ZMYND11: variants seen among roughly 807,000 people sequenced by gnomAD.
ZMYND11 encodes the protein zinc finger MYND-type containing 11, also known as zinc finger MYND domain-containing protein 11.
In ZMYND11, 9 loss-of-function variants were observed where a neutral mutation model predicts 84.9. The ratio of observed to expected loss-of-function variants is 0.11; its 90% confidence interval spans 0.06 to 0.18. ZMYND11 has a LOEUF of 0.18. Among genes scored for constraint, ZMYND11 ranks in the 10% least tolerant of loss-of-function variants. ZMYND11 has a pLI of 1.00. For missense variants in ZMYND11, 409 were observed against 761.0 expected (o/e 0.54, Z 5.44); for synonymous variants, 250 against 244.1 (o/e 1.02, Z -0.23).
chr10:247,865 G>A (rs1952488064), intron 12 of ZMYND11, among the ~76,000 whole-genome samples: 2 of 152,164 alleles, frequency 1.3e-5, no homozygotes, highest in Admixed American at 6.5e-5. Flanking sequence ...GAGCTCAGCC[G>A]TTTTAAGTGA....
intron 1 of ZMYND11, among the ~76,000 whole-genome samples, chr10:179,438 G>A (rs1014666177): frequency 6.6e-5 from 10 of 152,228 alleles, no homozygotes; most frequent in Non-Finnish European, 1.5e-4. Flanking sequence ...CATAATTTGT[G>A]ACCTTCTAGT....
At chr10:200,081 G>A (rs1226700335) in intron 2 of ZMYND11, among the ~76,000 whole-genome samples, 2 of 151,232 alleles carry the variant, frequency 1.3e-5, no homozygotes, top group Non-Finnish European at 1.5e-5. Context: ...TCCCTGGCCC[G>A]TAGGAATGAT....
At position 200,287 on chromosome 10, in the gene ZMYND11, G is replaced by A. The variant is rs538988446; in HGVS notation, c.117-9602G>A. ...TATAATTATATATAATATATAATAT[G>A]TATAAAATGTATATTATATATAATA... On this transcript the variant is annotated intron_variant, in intron 2 of 14. Transcript: ENST00000381604. Among the ~76,000 whole-genome samples the A allele has an allele frequency of 2.6e-3, 290 of 112,456 alleles. 1 individual carries two copies. The highest frequency in any genetic ancestry group is 9.1e-3 in the African/African-American group (277 of 30,388). The allele number at this position is 112,456 out of a possible 152,430, so 73.8% of individuals were successfully genotyped here.
At chr10:236,944 A>T in intron 5 of ZMYND11, 29 bp downstream of exon 5, 1 of 1,590,174 alleles carries the variant, frequency 6.3e-7, no homozygotes, top group Non-Finnish European at 8.6e-7. Flanking sequence ...ATCTTTCAAA[A>T]TATCCCAAAA....
chr10:243,430 A>T (rs1951455382), intron 10 of ZMYND11, among the ~76,000 whole-genome samples: 1 of 152,230 alleles, frequency 6.6e-6, no homozygotes, highest in Non-Finnish European at 1.5e-5. Context: ...ATAATCTGAT[A>T]ATTAGAACTT....
intron 3 of ZMYND11, 123 bp downstream of exon 3, chr10:210,171 C>A: frequency 2.8e-6 from 3 of 1,074,438 alleles, no homozygotes; most frequent in Non-Finnish European, 4.0e-6. Context: ...TTTGTATCAA[C>A]ATTAAGGCTC....
At chr10:135,075 G>T (rs1414506067), upstream of ZMYND11, 1 of 149,438 alleles carries the variant, frequency 6.7e-6, no homozygotes, top group African/African-American at 2.4e-5. This position sits in a 1 kb window ranked among gnomAD's most constrained non-coding sequence, Gnocchi z 5.6. Flanking sequence ...CCGAGCGGCC[G>T]CCCCGCGCGC....
chr10:135,539 T>A lies in ZMYND11; in HGVS notation c.-40T>A. On this transcript the variant is annotated 5_prime_UTR_variant, in exon 1 of 15. Transcript: ENST00000381604. This position sits in a 1 kb window ranked among gnomAD's most constrained non-coding sequence, Gnocchi z 5.6. The stretch of plus-strand genomic sequence containing the variant: ...GGGCCGGGCGCGGCGGCGGCGGCGG[T>A]GGAGGAGCCGGAGCATAATGGTGGG... 1.4e-5 allele frequency: 2 copies of A among 141,282 alleles called. No homozygotes were observed. Among genetic ancestry groups the A allele is most frequent in the Non-Finnish European group, 3.1e-5 (2 of 65,306 alleles). The allele number at this position is 141,282 out of a possible 1,614,324, so 8.8% of individuals were successfully genotyped here. A position where few individuals can be genotyped will look rare whatever the true frequency, so the allele number is the denominator to read the frequency against.
chr10:235,578 C>T (rs2131652257), intron 4 of ZMYND11, among the ~76,000 whole-genome samples: 2 of 152,336 alleles, frequency 1.3e-5, no homozygotes, highest in Middle Eastern at 3.4e-3. Context: ...CCAGAAGTCA[C>T]AACCCAGATG....
chr10:239,727 T>G (rs561491281), intron 7 of ZMYND11, among the ~76,000 whole-genome samples: 2 of 152,358 alleles, frequency 1.3e-5, no homozygotes, highest in Middle Eastern at 6.8e-3. Flanking sequence ...TACTAAATGA[T>G]GAAAACACAA....
intron 3 of ZMYND11, among the ~76,000 whole-genome samples, chr10:217,547 G>A (rs1158845363): frequency 6.6e-6 from 1 of 151,442 alleles, no homozygotes; most frequent in Non-Finnish European, 1.5e-5. Flanking sequence ...GTGAAATACA[G>A]ATGTGATAAT....
chr10:150,509 CT>C (rs1215475819), intron 1 of ZMYND11, among the ~76,000 whole-genome samples: 1 of 151,986 alleles, frequency 6.6e-6, no homozygotes, highest in Non-Finnish European at 1.5e-5. Context: ...CTTTTTTCTT[CT>C]TTATTAGTCT....
chr10:248,865 T>G (rs770781491), intron 13 of ZMYND11, 38 bp from the exon 14 acceptor site: 14 of 1,574,848 alleles, frequency 8.9e-6, no homozygotes, highest in Non-Finnish European at 1.2e-5. Flanking sequence ...TGTGTTAAGT[T>G]GTGTGCTGAC....
At chr10:249,599 T>C in intron 14 of ZMYND11, 1 of 985,348 alleles carries the variant, frequency 1.0e-6, no homozygotes, top group African/African-American at 1.7e-5. Context: ...ACCTGACTAG[T>C]ATCATTTGTC....
rs1952241272 is a variant in ZMYND11, at chr10:246,750, T to C, written c.951-16T>C. The C allele has an allele frequency of 2.5e-6, 4 of 1,612,874 alleles. No individual in the cohort carries two copies. The highest frequency in any genetic ancestry group is 1.7e-4 in the Middle Eastern group (1 of 6,058). Reference sequence around the variant, plus strand: ...TTTGGGATGTTTCTAACTATACCTTTATGTGTTTTTCCTAGGGCCTGGATT... The same window carrying C: ...TTTGGGATGTTTCTAACTATACCTTCATGTGTTTTTCCTAGGGCCTGGATT... On this transcript the variant is annotated splice_polypyrimidine_tract_variant and intron_variant, in intron 10 of 14. Coordinates refer to ENST00000381604, the MANE Select transcript of ZMYND11 (RefSeq NM_001370100.5).
chr10:231,284 C>T (rs1375079522), intron 4 of ZMYND11, among the ~76,000 whole-genome samples: 1 of 152,154 alleles, frequency 6.6e-6, no homozygotes, highest in African/African-American at 2.4e-5. Flanking sequence ...ATTGGGAACG[C>T]CCAAGAAAGT....
intron 3 of ZMYND11, among the ~76,000 whole-genome samples, chr10:214,431 C>CTTGTCTCTTAAGAAAGTAAATGCA (rs1444925327): frequency 2.6e-5 from 4 of 152,112 alleles, no homozygotes; most frequent in African/African-American, 9.7e-5. Context: ...CGTAGCAAGA[C>CTTGTCTCTTAAGAAAGTAAATGCA]TTGTCTCTTA....
At chr10:180,181 G>A in intron 2 of ZMYND11, 53 bp downstream of exon 2, 1 of 1,466,116 alleles carries the variant, frequency 6.8e-7, no homozygotes, top group Non-Finnish European at 9.4e-7. Flanking sequence ...AAGACTTTGG[G>A]GGAAAGGCCA....
intron 1 of ZMYND11, among the ~76,000 whole-genome samples, chr10:161,806 A>C (rs1485160009): frequency 6.6e-6 from 1 of 152,200 alleles, no homozygotes; most frequent in Non-Finnish European, 1.5e-5. Context: ...GTTTTGGCTT[A>C]AGGGAATATT....
Sources: gnomAD v4.1 joint callset for allele counts (sites outside exome capture counted in the v4.1 genomes callset) on GRCh38, gnomAD v4.1.1 for gene constraint, Gnocchi (gnomAD v3.1) non-coding constraint, MANE v1.5 for transcripts, NCBI Gene and HGNC (gene_info 2026-07-23, HGNC 2026-07-21) for gene names.